Variants in COL22A1 observed in about 807,000 individuals in gnomAD.
COL22A1 encodes the protein collagen alpha-1(XXII) chain.
In COL22A1, 221 loss-of-function variants were observed where a neutral mutation model predicts 248.9. The ratio of observed to expected loss-of-function variants is 0.89; its 90% CI spans 0.80 to 0.99. The LOEUF (loss-of-function observed/expected upper bound fraction) is 0.99. Ranked by LOEUF, COL22A1 falls within the 50% of genes least tolerant of loss-of-function variation. COL22A1 has a pLI of 0.00. For synonymous variants in COL22A1, 891 were observed against 793.4 expected, an observed-to-expected ratio of 1.12 and a Z score of -2.07; for missense variants, 2,240 against 2,179.0, an observed-to-expected ratio of 1.03 and a Z score of -0.56.
chr8:138,731,617 G>T (rs1218446877), intron 23 of COL22A1, among the ~76,000 whole-genome samples: 1 of 151,980 alleles, frequency 6.6e-6, no homozygotes, highest in African/African-American at 2.4e-5. Flanking sequence ...TGATCTATTT[G>T]ATGTGTTTAG....
intron 35 of COL22A1, among the ~76,000 whole-genome samples, chr8:138,692,467 G>A (rs919554745): frequency 4.9e-4 from 3 of 6,076 alleles, no homozygotes; most frequent in Non-Finnish European, 2.0e-3. Context: ...GAGTGCATGT[G>A]TGTGTGTGTG....
chr8:138,654,661 T>C (rs1823063639), intron 45 of COL22A1, among the ~76,000 whole-genome samples: 1 of 152,158 alleles, frequency 6.6e-6, no homozygotes, highest in African/African-American at 2.4e-5. Context: ...CCCCTGTTCT[T>C]TCTGAAGTAT....
intron 8 of COL22A1, 127 bp downstream of exon 8, chr8:138,812,812 A>C (rs1818353562): frequency 1.3e-6 from 1 of 746,286 alleles, no homozygotes; most frequent in Admixed American, 2.0e-5. Flanking sequence ...GCTCCCTCTC[A>C]GGCCATATTC....
chr8:138,663,045 C>T (rs1274354641), intron 42 of COL22A1, among the ~76,000 whole-genome samples: 2 of 151,938 alleles, frequency 1.3e-5, no homozygotes, highest in African/African-American at 4.8e-5. Context: ...CAAAGCAATC[C>T]CTGTCCTGAA....
At chr8:138,845,986 G>GT (rs1344538980) in intron 3 of COL22A1, among the ~76,000 whole-genome samples, 1 of 152,156 alleles carries the variant, frequency 6.6e-6, no homozygotes, top group Non-Finnish European at 1.5e-5. Context: ...GAGGGTATAA[G>GT]TGTCTCAGTG....
intron 1 of COL22A1, among the ~76,000 whole-genome samples, chr8:138,906,125 CT>C: frequency 6.6e-6 from 1 of 152,180 alleles, no homozygotes; most frequent in Non-Finnish European, 1.5e-5. Flanking sequence ...AATCCCAGCA[CT>C]TTGGGAGGCC....
intron 16 of COL22A1, among the ~76,000 whole-genome samples, chr8:138,764,998 C>T (rs771338156): frequency 6.6e-6 from 1 of 152,172 alleles, no homozygotes; most frequent in Non-Finnish European, 1.5e-5. Context: ...CTTTGCATCA[C>T]GTGACACTTG....
intron 1 of COL22A1, among the ~76,000 whole-genome samples, chr8:138,885,185 A>T (rs1043349257): frequency 6.6e-6 from 1 of 152,134 alleles, no homozygotes; most frequent in Non-Finnish European, 1.5e-5. Context: ...GGACACAAAC[A>T]TGCTCTCACC....
At position 138,815,546 on chromosome 8, in the gene COL22A1, G is replaced by A. The variant is rs111238676; in HGVS notation, c.1246-2527C>T. On this transcript the variant is annotated intron_variant, in intron 7 of 64. Coordinates refer to ENST00000303045, the MANE Select transcript of COL22A1 (RefSeq NM_152888.3). ...CTGCTCCTGCGCTGGCTCCTCAGCC[G>A]CCTGTCCACACACAGGCCCTCCCTG... Among the ~76,000 whole-genome samples, 23 of 152,194 alleles carry A rather than the reference G, an allele frequency of 1.5e-4. No individual in the cohort carries two copies. In the South Asian group the frequency reaches 2.7e-3, roughly 18 times the overall value.
rs573432306 is a variant in COL22A1, at chr8:138,773,195, G to A, written c.1803+2771C>T. Reference sequence around the variant, plus strand: ...GATGAGGCAAACAAGCCCCAGGAGCGGAACCACCACAGGCCCCTGAGTGGC... The same window carrying A: ...GATGAGGCAAACAAGCCCCAGGAGCAGAACCACCACAGGCCCCTGAGTGGC... On this transcript the variant is annotated intron_variant, in intron 16 of 64. Coordinates refer to ENST00000303045, the MANE Select transcript of COL22A1 (RefSeq NM_152888.3). Among the ~76,000 whole-genome samples the A allele has an allele frequency of 2.1e-4, 32 of 152,284 alleles. No homozygotes were observed. The South Asian group carries it at 5.4e-3, about 26-fold the overall frequency.
rs1816774728 is a variant in COL22A1 at position 138,588,300 on chromosome 8, C to T, written c.*953G>A. The T allele has an allele frequency of 6.6e-6, 1 of 152,198 alleles. No homozygotes were observed. The highest frequency in any genetic ancestry group is 6.5e-5 in the Admixed American group (1 of 15,292). 9.4% of individuals were successfully genotyped at this position (152,198 alleles called of 1,614,324 possible). ...GCAGGGCATGTCGCATACACACATG[C>T]ACTTGATGCCATTTATTTCAGAGAC... On this transcript the variant is annotated 3_prime_UTR_variant, in exon 65 of 65. Coordinates refer to ENST00000303045, the MANE Select transcript of COL22A1 (RefSeq NM_152888.3).
intron 38 of COL22A1, 32 bp downstream of exon 38, chr8:138,685,176 A>G (rs1160240122): frequency 7.1e-7 from 1 of 1,402,810 alleles, no homozygotes; most frequent in Non-Finnish European, 1.0e-6. Context: ...CCTGGTTTCT[A>G]CAGGCACTGG....
intron 22 of COL22A1, among the ~76,000 whole-genome samples, chr8:138,739,733 G>A (rs893975720): frequency 1.3e-5 from 2 of 152,130 alleles, no homozygotes; most frequent in Non-Finnish European, 2.9e-5. Context: ...GTGGCACTGA[G>A]GATAGCAGTG....
At chr8:138,728,260 G>A (rs1008830855) in intron 23 of COL22A1, among the ~76,000 whole-genome samples, 12 of 151,860 alleles carry the variant, frequency 7.9e-5, no homozygotes, top group Non-Finnish European at 1.8e-4. Flanking sequence ...GAACTCCTGG[G>A]CTCAAGCAAT....
intron 22 of COL22A1, among the ~76,000 whole-genome samples, chr8:138,739,576 A>T (rs762563108): frequency 6.6e-6 from 1 of 152,210 alleles, no homozygotes; most frequent in Non-Finnish European, 1.5e-5. Context: ...GACACAAGCC[A>T]TCTGAAAGTG....
chr8:138,674,548 G>C (rs191724633), intron 41 of COL22A1, among the ~76,000 whole-genome samples: 1 of 152,202 alleles, frequency 6.6e-6, no homozygotes, highest in African/African-American at 2.4e-5. Flanking sequence ...CTCTTGACTA[G>C]AGCCAGCCAA....
chr8:138,750,809 T>C (rs1361516832), intron 22 of COL22A1, among the ~76,000 whole-genome samples: 3 of 152,188 alleles, frequency 2.0e-5, no homozygotes, highest in African/African-American at 7.2e-5. Flanking sequence ...CCAGGTACCT[T>C]GGTGGGAACT....
chr8:138,736,621 G>A (rs1263181936), intron 23 of COL22A1, among the ~76,000 whole-genome samples: 1 of 152,136 alleles, frequency 6.6e-6, no homozygotes. Context: ...GCCGGCACTA[G>A]GATGGCACAG....
intron 63 of COL22A1, among the ~76,000 whole-genome samples, chr8:138,592,706 C>T (rs1470956060): frequency 6.7e-6 from 1 of 149,970 alleles, no homozygotes; most frequent in Non-Finnish European, 1.5e-5. Context: ...ACCACATGCT[C>T]CTTTCCCTGC....
Sources: gnomAD v4.1 joint callset for allele counts (sites outside exome capture counted in the v4.1 genomes callset) on GRCh38, gnomAD v4.1.1 for gene constraint, MANE v1.5 for transcripts, NCBI Gene and HGNC (gene_info 2026-07-23, HGNC 2026-07-21) for gene names.